LDLRAD4: variants seen among roughly 807,000 people sequenced by gnomAD.
LDLRAD4 encodes the protein low density lipoprotein receptor class A domain containing 4.
A neutral mutation model predicts 17.0 loss-of-function variants in LDLRAD4; 5 were observed. The observed-to-expected ratio is 0.29, with a 90% CI of 0.15 to 0.62. LDLRAD4 has a LOEUF of 0.62. Among genes scored for constraint, LDLRAD4 ranks in the 20% least tolerant of loss-of-function variants. The pLI, the probability that LDLRAD4 is intolerant of heterozygous loss-of-function variation, is 0.84. For synonymous variants in LDLRAD4, 168 were observed against 171.8 expected (o/e 0.98, Z 0.17); for missense variants, 340 against 424.7 (o/e 0.80, Z 1.75).
At chr18:13,297,966 G>A (rs895434097) in intron 1 of LDLRAD4, among the ~76,000 whole-genome samples, 11 of 152,344 alleles carry the variant, frequency 7.2e-5, no homozygotes, top group African/African-American at 2.6e-4. Context: ...TTAGTTATAG[G>A]CGCTAACCAG....
At chr18:13,525,437 C>T (rs964630748) in intron 3 of LDLRAD4, among the ~76,000 whole-genome samples, 2 of 152,228 alleles carry the variant, frequency 1.3e-5, no homozygotes, top group Admixed American at 1.3e-4. Context: ...AGATCCTGGC[C>T]ATCCTGGACA....
At chr18:13,518,165 G>A (rs1327878429) in intron 3 of LDLRAD4, among the ~76,000 whole-genome samples, 1 of 152,140 alleles carries the variant, frequency 6.6e-6, no homozygotes, top group Non-Finnish European at 1.5e-5. Context: ...CCTCCGTCTT[G>A]GTCTCATTAT....
chr18:13,333,713 A>G (rs965353727), intron 1 of LDLRAD4, among the ~76,000 whole-genome samples: 44 of 152,278 alleles, frequency 2.9e-4, no homozygotes, highest in African/African-American at 1.1e-3. Context: ...TCAATTGACT[A>G]TTTTTATATC....
Position 13,382,903 on chromosome 18 carries a change from A to G in LDLRAD4, c.-382-4438A>G, listed in dbSNP as rs117793774. On this transcript the variant is annotated intron_variant, in intron 1 of 5. Transcript: ENST00000359446. ...TGTTGGGCGCAGTTCTTGCGCCTCC[A>G]TGGGGCAGCGCTTGCTCTCTCTCTG... is the stretch of plus-strand genomic sequence containing the variant. Among the ~76,000 whole-genome samples the G allele has an allele frequency of 1.6e-4, 25 of 152,376 alleles. No individual in the cohort carries two copies. The East Asian group carries it at 4.8e-3, about 29-fold the overall frequency.
intron 2 of LDLRAD4, among the ~76,000 whole-genome samples, chr18:13,404,133 C>T (rs921427937): frequency 2.0e-5 from 3 of 152,226 alleles, no homozygotes; most frequent in African/African-American, 7.2e-5. Flanking sequence ...TCAGATTCTG[C>T]CGCTTCTGGA....
chr18:13,405,365 C>T (rs1204329078), intron 2 of LDLRAD4, among the ~76,000 whole-genome samples: 1 of 152,086 alleles, frequency 6.6e-6, no homozygotes, highest in African/African-American at 2.4e-5. Context: ...GGCCCTTAAC[C>T]TAGTATGTGT....
At chr18:13,223,033 C>A (rs1237607886) in intron 1 of LDLRAD4, among the ~76,000 whole-genome samples, 1 of 152,214 alleles carries the variant, frequency 6.6e-6, no homozygotes, top group African/African-American at 2.4e-5. Context: ...TTCATCTGGG[C>A]AATTTGGAAG....
intron 2 of LDLRAD4, among the ~76,000 whole-genome samples, chr18:13,403,302 C>G (rs1245543703): frequency 1.3e-5 from 2 of 152,282 alleles, no homozygotes; most frequent in Admixed American, 1.3e-4. Flanking sequence ...TTAATAATAA[C>G]TGTTCTTTTG....
chr18:13,509,901 C>T (rs577091172), intron 3 of LDLRAD4, among the ~76,000 whole-genome samples: 1 of 152,320 alleles, frequency 6.6e-6, no homozygotes, highest in Non-Finnish European at 1.5e-5. Flanking sequence ...ACAATGAAGG[C>T]TCAGGTGATC....
chr18:13,471,425 GTTTTTC>G (rs1396478729), intron 3 of LDLRAD4: 1 of 152,280 alleles, frequency 6.6e-6, no homozygotes, highest in Non-Finnish European at 1.5e-5. Flanking sequence ...ATGTAGCATT[GTTTTTC>G]TTTCGTAATG....
intron 2 of LDLRAD4, among the ~76,000 whole-genome samples, chr18:13,436,209 T>C (rs940112471): frequency 2.0e-5 from 3 of 152,238 alleles, no homozygotes; most frequent in African/African-American, 4.8e-5. Flanking sequence ...CATAAGCTCT[T>C]TGAAGAGGGC....
intron 3 of LDLRAD4, among the ~76,000 whole-genome samples, chr18:13,569,031 T>C (rs568085654): frequency 2.2e-4 from 34 of 152,212 alleles, no homozygotes; most frequent in African/African-American, 7.9e-4. Context: ...TATGAATGAG[T>C]TGATATTAGT....
At position 13,440,121 on chromosome 18, in the gene LDLRAD4, T is replaced by A. The variant is rs762090322; in HGVS notation, c.181+1737T>A. ...AAGCTGTGTAGAGAATATCAGGACC[T>A]TGTGTGCTGCCTTGACTGGGTTCAG... On this transcript the variant is annotated intron_variant, in intron 3 of 5. Transcript: ENST00000359446. The surrounding 1 kb of genome is among the most constrained non-coding windows in gnomAD (Gnocchi z 4.4). Among the ~76,000 whole-genome samples the A allele has an allele frequency of 6.6e-6, 1 of 152,086 alleles. No homozygotes were observed. The highest frequency in any genetic ancestry group is 1.5e-5 in the Non-Finnish European group (1 of 67,998).
At chr18:13,463,291 T>C (rs1369454999) in intron 3 of LDLRAD4, among the ~76,000 whole-genome samples, 1 of 152,158 alleles carries the variant, frequency 6.6e-6, no homozygotes, top group African/African-American at 2.4e-5. Context: ...TCCCTTCCTG[T>C]ACCTCTTTTG....
At chr18:13,557,074 C>T (rs1200900250) in intron 3 of LDLRAD4, among the ~76,000 whole-genome samples, 4 of 152,040 alleles carry the variant, frequency 2.6e-5, no homozygotes, top group African/African-American at 9.7e-5. Flanking sequence ...GCAGGAGGAT[C>T]ACTTGAGCCC....
Position 13,396,025 on chromosome 18 carries a change from A to G in LDLRAD4, c.40+8263A>G, listed in dbSNP as rs528975389. On this transcript the variant is annotated intron_variant, in intron 2 of 5. Transcript: ENST00000359446. ...AAGTCCCGGGTCTCTGTGTTTTTTC[A>G]GGATACTATGTTTAAATGGGGGAAC... Among the ~76,000 whole-genome samples, 43 of 152,254 alleles carry G rather than the reference A, an allele frequency of 2.8e-4. No homozygotes were observed. The South Asian group carries it at 6.4e-3, about 23-fold the overall frequency.
chr18:13,362,886 CT>C (rs556805570), intron 1 of LDLRAD4, among the ~76,000 whole-genome samples: 4,505 of 147,798 alleles, frequency 0.03, 99 homozygotes, highest in African/African-American at 0.06. Context: ...AATTAGAAAA[CT>C]TTTTTTTTTT....
intron 3 of LDLRAD4, among the ~76,000 whole-genome samples, chr18:13,605,866 TG>T (rs2148666687): frequency 6.6e-6 from 1 of 152,274 alleles, no homozygotes; most frequent in Admixed American, 6.5e-5. Context: ...GTGAGGAGTC[TG>T]GAGTAGAGCA....
chr18:13,232,659 T>C (rs1031026921), intron 1 of LDLRAD4, among the ~76,000 whole-genome samples: 1 of 152,214 alleles, frequency 6.6e-6, no homozygotes, highest in Non-Finnish European at 1.5e-5. Flanking sequence ...TCTGCAGCTC[T>C]GACTCTTCCG....
Sources: gnomAD v4.1 joint callset for allele counts (sites outside exome capture counted in the v4.1 genomes callset) on GRCh38, gnomAD v4.1.1 for gene constraint, Gnocchi (gnomAD v3.1) non-coding constraint, MANE v1.5 for transcripts, NCBI Gene and HGNC (gene_info 2026-07-23, HGNC 2026-07-21) for gene names.